Variants in SULF2 observed in about 807,000 individuals in gnomAD.
SULF2 encodes the protein sulfatase 2.
Under a neutral mutation model 107.7 loss-of-function variants are expected in SULF2, and 52 were observed. The ratio of observed to expected loss-of-function variants is 0.48; its 90% CI spans 0.39 to 0.61. The LOEUF (loss-of-function observed/expected upper bound fraction) is 0.61. Ranked by LOEUF, SULF2 falls within the 20% of genes least tolerant of loss-of-function variation. The probability of loss-of-function intolerance (pLI) is 0.00; values close to 1 mark genes in which losing one functional copy is unlikely to be tolerated. For missense variants in SULF2, 993 were observed against 1,177.3 expected, an observed-to-expected ratio of 0.84 and a Z score of 2.29; for synonymous variants, 460 against 464.3, an observed-to-expected ratio of 0.99 and a Z score of 0.12.
At chr20:47,774,312 G>A (rs1157554799) in intron 1 of SULF2, among the ~76,000 whole-genome samples, 1 of 152,238 alleles carries the variant, frequency 6.6e-6, no homozygotes, top group South Asian at 2.1e-4. Context: ...CTCCCCTGCT[G>A]CGGGGACTCA....
intron 1 of SULF2, among the ~76,000 whole-genome samples, chr20:47,773,378 CAGAGGCGGGCGAGA>C (rs1157719917): frequency 6.6e-6 from 1 of 152,240 alleles, no homozygotes; most frequent in Non-Finnish European, 1.5e-5. Flanking sequence ...GAGCTGAGAG[CAGAGGCGGGCGAGA>C]AGCCAGTTGT....
At position 47,690,241 on chromosome 20, in the gene SULF2, T is replaced by C; in HGVS notation, c.622A>G (p.Lys208Glu). The C allele has an allele frequency of 1.9e-6, 3 of 1,570,194 alleles. No individual in the cohort carries two copies. Among genetic ancestry groups the C allele is most frequent in the Admixed American group, 1.8e-5 (1 of 56,060 alleles). ...NDSVSFFRTS[K>E]KMYPHRPVLM... Reference sequence around the variant, plus strand: ...ACTGGCCTGTGCGGGTACATCTTCTTGGACGTGCGGAAGAAGCTCACGCTG... The same window carrying C: ...ACTGGCCTGTGCGGGTACATCTTCTCGGACGTGCGGAAGAAGCTCACGCTG... Residue 208 changes from lysine (K) to glutamate (E), a missense_variant, in exon 5 of 21, where the codon AAG becomes GAG. Coordinates refer to ENST00000688720, the MANE Select transcript of SULF2 (RefSeq NM_001387048.1).
chr20:47,705,435 G>A (rs1382104285), intron 3 of SULF2, among the ~76,000 whole-genome samples: 2 of 152,216 alleles, frequency 1.3e-5, no homozygotes, highest in Non-Finnish European at 2.9e-5. Flanking sequence ...CAGCGACTGG[G>A]CGTCCCTGGC....
intron 1 of SULF2, among the ~76,000 whole-genome samples, chr20:47,770,474 A>G (rs908652258): frequency 1.3e-5 from 2 of 152,192 alleles, no homozygotes; most frequent in Non-Finnish European, 2.9e-5. Context: ...AAGAAGGGGC[A>G]AGAGGTGGAC....
chr20:47,758,572 AC>A (rs1325907574), intron 1 of SULF2, among the ~76,000 whole-genome samples: 4 of 151,664 alleles, frequency 2.6e-5, no homozygotes, highest in Non-Finnish European at 4.4e-5. Context: ...GCCCTCAGTC[AC>A]CCCCCTGGCC....
At chr20:47,762,196 C>T (rs1005427470) in intron 1 of SULF2, among the ~76,000 whole-genome samples, 2 of 152,230 alleles carry the variant, frequency 1.3e-5, no homozygotes, top group Non-Finnish European at 2.9e-5. Flanking sequence ...GGAAACACTA[C>T]GGGATGCTTT....
At chr20:47,667,538 G>A (rs925681182) in intron 11 of SULF2, among the ~76,000 whole-genome samples, 33 of 152,106 alleles carry the variant, frequency 2.2e-4, no homozygotes, top group African/African-American at 7.2e-4. Flanking sequence ...TGTCTCACGG[G>A]CCCACAGTTC....
intron 1 of SULF2, among the ~76,000 whole-genome samples, chr20:47,764,986 G>A (rs60079074): frequency 0.14 from 21,739 of 152,010 alleles, 1,675 homozygotes; most frequent in East Asian, 0.18. Flanking sequence ...CCAGTGTCGT[G>A]CAGCATGGGT....
Position 47,677,400 on chromosome 20 carries a change from C to CTGTGTGTG in SULF2, c.1194-274_1194-267dup, listed in dbSNP as rs58936261. On this transcript the variant is annotated intron_variant, in intron 8 of 20. Transcript: ENST00000688720. ...ATCACTGTAAGTCCCACCCAAGTAA[C>CTGTGTGTG]TGTGTGTGTGTGTGTGTGTGTGTGT... Among the ~76,000 whole-genome samples, 596 of 144,004 alleles carry CTGTGTGTG rather than the reference C, an allele frequency of 4.1e-3. 3 individuals carry two copies. The highest frequency in any genetic ancestry group is 0.021 in the Middle Eastern group (6 of 286). The allele number at this position is 144,004 out of a possible 152,430, so 94.5% of individuals were successfully genotyped here.
Position 47,671,767 on chromosome 20 carries a change from T to G in SULF2, c.1576+431A>C, listed in dbSNP as rs1029616081. ...TCTCGCTCTGTTGCCCAGGCTGGAGTGCAGTGGCACAATCTCGGGTCACTG... is the reference window on the plus strand; with the variant it reads ...TCTCGCTCTGTTGCCCAGGCTGGAGGGCAGTGGCACAATCTCGGGTCACTG... On this transcript the variant is annotated intron_variant, in intron 11 of 20. Coordinates refer to ENST00000688720, the MANE Select transcript of SULF2 (RefSeq NM_001387048.1). 2.6e-5 allele frequency among the ~76,000 whole-genome samples: 4 copies of G among 152,080 alleles called. No homozygotes were observed. In the East Asian group the frequency reaches 7.7e-4, roughly 29 times the overall value.
Position 47,658,398 on chromosome 20 carries a change from G to T in SULF2, c.2583-6C>A. 1 of 1,614,098 alleles carries T rather than the reference G, an allele frequency of 6.2e-7. No individual in the cohort carries two copies. The highest frequency in any genetic ancestry group is 1.3e-5 in the African/African-American group (1 of 75,030). On this transcript the variant is annotated splice_polypyrimidine_tract_variant and splice_region_variant and intron_variant, in intron 20 of 20. Transcript: ENST00000688720. ...AGCCTTCCCACAGTTGTCCCCTAAA[G>T]AACAAAACAAACTCATCTTAGCACT...
At chr20:47,681,180 A>G (rs1029363448) in intron 7 of SULF2, among the ~76,000 whole-genome samples, 2 of 152,210 alleles carry the variant, frequency 1.3e-5, no homozygotes, top group Non-Finnish European at 2.9e-5. Flanking sequence ...GAGCTTTCCA[A>G]TGGCATTGTA....
intron 1 of SULF2, among the ~76,000 whole-genome samples, chr20:47,758,618 C>T (rs1371969945): frequency 6.6e-6 from 1 of 152,042 alleles, no homozygotes; most frequent in Non-Finnish European, 1.5e-5. Flanking sequence ...AAGGTGGGTG[C>T]GGGGAGGTGG....
Position 47,749,385 on chromosome 20 carries a change from C to T in SULF2, c.175+7804G>A, listed in dbSNP as rs143690519. Among the ~76,000 whole-genome samples, 1,247 of 152,360 alleles carry T rather than the reference C, an allele frequency of 8.2e-3. 12 individuals carry two copies. Among genetic ancestry groups the T allele is most frequent in the Middle Eastern group, 0.017 (5 of 294 alleles). On this transcript the variant is annotated intron_variant, in intron 2 of 20. Coordinates refer to ENST00000688720, the MANE Select transcript of SULF2 (RefSeq NM_001387048.1). ...AAAAAAATCATCTTACAGGAATGTG[C>T]TTGGCAAGCTGAACACCAGTGTGGG...
chr20:47,716,869 T>C (rs2089137738), intron 3 of SULF2, among the ~76,000 whole-genome samples: 1 of 151,816 alleles, frequency 6.6e-6, no homozygotes, highest in Non-Finnish European at 1.5e-5. Flanking sequence ...ATATAGCCAG[T>C]CGTGGTGGTG....
chr20:47,781,605 C>A (rs2090834636), intron 1 of SULF2, among the ~76,000 whole-genome samples: 2 of 152,140 alleles, frequency 1.3e-5, no homozygotes, highest in South Asian at 4.1e-4. Flanking sequence ...GACATCTGTC[C>A]TGACACCTAA....
intron 3 of SULF2, among the ~76,000 whole-genome samples, chr20:47,710,032 G>C (rs1460460141): frequency 2.0e-5 from 3 of 151,902 alleles, no homozygotes; most frequent in African/African-American, 7.3e-5. Context: ...CTCTCGAGTA[G>C]CTGGGACTAC....
At chr20:47,757,114 C>T in intron 2 of SULF2, 75 bp downstream of exon 2, 1 of 1,351,788 alleles carries the variant, frequency 7.4e-7, no homozygotes, top group Non-Finnish European at 9.9e-7. Context: ...CACCGCCTTG[C>T]CTCAGGAGCC....
chr20:47,740,370 A>G (rs4810677), intron 2 of SULF2, among the ~76,000 whole-genome samples: 16,388 of 152,172 alleles, frequency 0.11, 1,005 homozygotes, highest in East Asian at 0.27. Flanking sequence ...AGAGGTCCCC[A>G]TGCTCTTGGT....
Sources: gnomAD v4.1 joint callset for allele counts (sites outside exome capture counted in the v4.1 genomes callset) on GRCh38, gnomAD v4.1.1 for gene constraint, MANE v1.5 for transcripts, NCBI Gene and HGNC (gene_info 2026-07-23, HGNC 2026-07-21) for gene names.